The following RBFOX1 variants were observed in gnomAD, a reference collection of about 807,000 sequenced individuals.
The protein encoded by RBFOX1 is RNA binding protein fox-1 homolog 1.
A neutral mutation model predicts 57.7 loss-of-function variants in RBFOX1; 8 were observed. That is an observed-to-expected ratio of 0.14 (90% confidence interval 0.08 to 0.25). RBFOX1 has a LOEUF of 0.25. RBFOX1 is among the 10% of genes least tolerant of loss of function. The probability of loss-of-function intolerance (pLI) is 1.00; values close to 1 mark genes in which losing one functional copy is unlikely to be tolerated. For missense variants in RBFOX1, 611 were observed against 548.5 expected, an observed-to-expected ratio of 1.11 and a Z score of -1.14; for synonymous variants, 326 against 222.4, an observed-to-expected ratio of 1.47 and a Z score of -4.15.
Position 5,508,362 on chromosome 16 carries a change from C to T in RBFOX1, c.258+41108C>T, listed in dbSNP as rs557675733. 1.6e-4 allele frequency among the ~76,000 whole-genome samples: 25 copies of T among 152,310 alleles called. No individual in the cohort carries two copies. In the South Asian group the frequency reaches 4.1e-3, roughly 25 times the overall value. On this transcript the variant is annotated intron_variant, in intron 2 of 2. Coordinates refer to the RBFOX1 transcript ENST00000585867. ...CTACCTGCATCTCCCCACTCCAATG[C>T]GGCCACTTGTTGCATCCCAGCTAGC...
intron 3 of RBFOX1, among the ~76,000 whole-genome samples, chr16:6,755,204 C>A (rs958441846): frequency 1.7e-4 from 26 of 152,166 alleles, no homozygotes; most frequent in Non-Finnish European, 2.8e-4. Flanking sequence ...ATTTATAGTC[C>A]TTTGGGTGTA....
intron 1 of RBFOX1, among the ~76,000 whole-genome samples, chr16:6,150,138 C>G (rs1199208141): frequency 1.3e-5 from 2 of 152,096 alleles, no homozygotes; most frequent in Non-Finnish European, 2.9e-5. Context: ...ATGTTAGCAG[C>G]CTAGAGCTCA....
intron 1 of RBFOX1, among the ~76,000 whole-genome samples, chr16:5,245,566 T>G (rs2062277164): frequency 6.6e-6 from 1 of 152,140 alleles, no homozygotes; most frequent in South Asian, 2.1e-4. Context: ...TGCCTCAGCC[T>G]CCCAAGTAGC....
intron 3 of RBFOX1, among the ~76,000 whole-genome samples, chr16:7,018,625 T>C (rs2094037523): frequency 6.6e-6 from 1 of 152,098 alleles, no homozygotes; most frequent in African/African-American, 2.4e-5. Flanking sequence ...ATGTTATTTC[T>C]AGTTCTAGAT....
chr16:7,198,711 C>G (rs1018909247), intron 4 of RBFOX1, among the ~76,000 whole-genome samples: 1 of 152,186 alleles, frequency 6.6e-6, no homozygotes, highest in African/African-American at 2.4e-5. Context: ...TGATAACTAA[C>G]TCACTGCAGC....
intron 3 of RBFOX1, among the ~76,000 whole-genome samples, chr16:5,726,886 A>C (rs1189310216): frequency 6.6e-6 from 1 of 152,102 alleles, no homozygotes. Context: ...ATGGTGAAGG[A>C]AACTGAGGCT....
At chr16:5,495,976 A>G (rs907269339) in intron 2 of RBFOX1, among the ~76,000 whole-genome samples, 19 of 152,244 alleles carry the variant, frequency 1.2e-4, no homozygotes, top group African/African-American at 4.3e-4. Flanking sequence ...AAATACAAAC[A>G]TTAGCTGGGC....
intron 1 of RBFOX1, among the ~76,000 whole-genome samples, chr16:6,152,982 C>G (rs2096808810): frequency 6.7e-6 from 1 of 149,900 alleles, no homozygotes; most frequent in Admixed American, 6.6e-5. Context: ...GGCCTTTTTC[C>G]TGTTTTATGA....
At chr16:6,572,004 A>T (rs2097351282) in intron 2 of RBFOX1, among the ~76,000 whole-genome samples, 1 of 152,094 alleles carries the variant, frequency 6.6e-6, no homozygotes, top group Non-Finnish European at 1.5e-5. Flanking sequence ...ACATTTTTAT[A>T]CCTTTACATG....
At chr16:6,824,777 T>C (rs1057384964) in intron 3 of RBFOX1, among the ~76,000 whole-genome samples, 1 of 152,098 alleles carries the variant, frequency 6.6e-6, no homozygotes, top group South Asian at 2.1e-4. Flanking sequence ...AGAAAACATT[T>C]AAAAGGAATT....
intron 4 of RBFOX1, among the ~76,000 whole-genome samples, chr16:7,446,455 G>T (rs1045277333): frequency 6.6e-6 from 1 of 152,170 alleles, no homozygotes; most frequent in Admixed American, 6.5e-5. Context: ...CACTGTTGTG[G>T]GGTGAGTGCT....
At chr16:5,816,895 A>G (rs1458710778) in intron 3 of RBFOX1, among the ~76,000 whole-genome samples, 3 of 152,202 alleles carry the variant, frequency 2.0e-5, no homozygotes, top group Admixed American at 6.5e-5. Context: ...GTAGGTGTAC[A>G]TATTTATGGA....
intron 14 of RBFOX1, among the ~76,000 whole-genome samples, chr16:7,684,508 G>A (rs143497761): frequency 1.1e-3 from 164 of 151,894 alleles, no homozygotes; most frequent in African/African-American, 3.5e-3. Flanking sequence ...AAATATTCTC[G>A]TAATTATCCC....
At chr16:5,907,111 C>T (rs543846584) in intron 4 of RBFOX1, among the ~76,000 whole-genome samples, 11 of 152,160 alleles carry the variant, frequency 7.2e-5, no homozygotes, top group East Asian at 1.9e-4. Context: ...GAGGGGTGTA[C>T]GCATTTGGTG....
intron 4 of RBFOX1, among the ~76,000 whole-genome samples, chr16:7,175,719 C>G (rs1164222833): frequency 6.6e-6 from 1 of 152,196 alleles, no homozygotes; most frequent in Non-Finnish European, 1.5e-5. Context: ...CTCTTCCAGC[C>G]ACGCAGTAGT....
intron 1 of RBFOX1, among the ~76,000 whole-genome samples, chr16:6,228,428 GACACAC>G (rs3064940): frequency 6.6e-6 from 1 of 151,214 alleles, no homozygotes; most frequent in Non-Finnish European, 1.5e-5. Context: ...CACACACACA[GACACAC>G]ACACACACAC....
intron 2 of RBFOX1, among the ~76,000 whole-genome samples, chr16:6,487,680 AAAAAAAAAAAAAAAAAAAAAATAT>A (rs1468719269): frequency 8.6e-4 from 8 of 9,342 alleles, no homozygotes; most frequent in Non-Finnish European, 1.0e-3. Flanking sequence ...ATGTAAAAAA[AAAAAAAAAAAAAAAAAAAAAATAT>A]ATATATATAT....
chr16:5,351,946 G>A (rs917961476), intron 1 of RBFOX1, among the ~76,000 whole-genome samples: 2 of 152,112 alleles, frequency 1.3e-5, no homozygotes, highest in Non-Finnish European at 2.9e-5. Context: ...TGGGATTACA[G>A]GCGCCCGCCA....
At chr16:6,069,347 G>T (rs1252866404) in intron 1 of RBFOX1, among the ~76,000 whole-genome samples, 1 of 147,564 alleles carries the variant, frequency 6.8e-6, no homozygotes, top group African/African-American at 2.5e-5. Context: ...GCAGTGAGCC[G>T]AGATTGTGCC....
Sources: allele counts gnomAD v4.1 joint callset (sites outside exome capture counted in the v4.1 genomes callset), GRCh38; gene constraint gnomAD v4.1.1; transcripts MANE v1.5; gene names NCBI Gene and HGNC (gene_info 2026-07-23, HGNC 2026-07-21).